The following UPF1 variants were observed in gnomAD, a reference collection of about 807,000 sequenced individuals.
The protein encoded by UPF1 is UPF1 RNA helicase and ATPase.
A neutral mutation model predicts 129.2 loss-of-function variants in UPF1; 9 were observed. That is an observed-to-expected ratio of 0.07 (90% CI 0.04 to 0.12). UPF1 has a LOEUF of 0.12. Among genes scored for constraint, UPF1 ranks in the 10% least tolerant of loss-of-function variants. The probability of loss-of-function intolerance (pLI) is 1.00; values close to 1 mark genes in which losing one functional copy is unlikely to be tolerated. For missense variants in UPF1, 788 were observed against 1,525.3 expected (o/e 0.52, Z 8.05); for synonymous variants, 649 against 644.9 (o/e 1.01, Z -0.10).
Position 18,860,379 on chromosome 19 carries a change from C to A in UPF1, c.2241C>A (p.Phe747Leu), listed in dbSNP as rs749150105. The change falls in exon 16 of 24, where the codon TTC becomes TTA. Residue 747 changes from phenylalanine to leucine, a missense_variant. This residue lies in a region of UPF1 where 140 missense variants were observed against 385.9 expected (regional missense o/e 0.36). Coordinates refer to ENST00000262803, the MANE Select transcript of UPF1 (RefSeq NM_002911.4). The part of the protein sequence containing the change: ...FQWPQPDKPM[F>L]FYVTQGQEEI... ...GGCCCCAACCCGATAAACCGATGTT[C>A]TTCTACGTGACCCAGGGCCAAGAGG... 1.9e-6 allele frequency: 3 copies of A among 1,614,016 alleles called. No homozygotes were observed. The highest frequency in any genetic ancestry group is 8.5e-7 in the Non-Finnish European group (1 of 1,180,040).
intron 2 of UPF1, 100 bp from the exon 3 acceptor site, chr19:18,847,644 G>T: frequency 1.8e-6 from 2 of 1,124,068 alleles, no homozygotes; most frequent in Non-Finnish European, 1.3e-6. Flanking sequence ...GTTTAATGAA[G>T]AACTTAAAAA....
rs559985776 is a variant in UPF1, at chr19:18,850,549, C to G, written c.630-139C>G. The stretch of plus-strand genomic sequence containing the variant: ...ACAGGGAGATGCGATTTATTACTAA[C>G]AGTTTGAAGGTAATGTGATCACATA... On this transcript the variant is annotated intron_variant, in intron 4 of 23. Transcript: ENST00000262803. The surrounding 1 kb of genome is among the most constrained non-coding windows in gnomAD (Gnocchi z 7.1). 1.6e-5 allele frequency: 16 copies of G among 974,524 alleles called. No homozygotes were observed. Among genetic ancestry groups the G allele is most frequent in the Non-Finnish European group, 2.3e-5 (16 of 689,830 alleles). The allele number at this position is 974,524 out of a possible 1,614,324, so 60.4% of individuals were successfully genotyped here.
rs548841117 is a variant in UPF1 at position 18,832,450 on chromosome 19, A to T, written c.231+10A>T. 1 of 997,014 alleles carries T rather than the reference A, an allele frequency of 1.0e-6. No homozygotes were observed. The highest frequency in any genetic ancestry group is 4.5e-5 in the South Asian group (1 of 22,196). 61.8% of individuals were successfully genotyped at this position (997,014 alleles called of 1,614,324 possible). On this transcript the variant is annotated intron_variant, in intron 1 of 23. Transcript: ENST00000262803. The surrounding 1 kb of genome is among the most constrained non-coding windows in gnomAD (Gnocchi z 5.6). The stretch of plus-strand genomic sequence containing the variant: ...ACAGCTCGACGCGCAGGTGAGCGGC[A>T]CATGGCGGTGCCGGAAGCCCGGGCC...
intron 19 of UPF1, 59 bp from the exon 20 acceptor site, chr19:18,864,111 G>A (rs1384336282): frequency 2.4e-5 from 36 of 1,516,800 alleles, no homozygotes; most frequent in South Asian, 4.5e-5. Flanking sequence ...CACCGGGCCC[G>A]TGGGAAGTTG....
chr19:18,861,040 T>A, intron 17 of UPF1, 58 bp downstream of exon 17: 2 of 1,508,088 alleles, frequency 1.3e-6, no homozygotes, highest in Non-Finnish European at 1.8e-6. Context: ...TATTGACCCT[T>A]GACCTTTAAG....
At chr19:18,837,583 C>T (rs1188618031) in intron 1 of UPF1, among the ~76,000 whole-genome samples, 5 of 152,212 alleles carry the variant, frequency 3.3e-5, no homozygotes, top group Non-Finnish European at 5.9e-5. Flanking sequence ...AAATGTGTGC[C>T]TATTGGTTTG....
At chr19:18,860,142 A>AAAAAAC in intron 15 of UPF1, 179 bp from the exon 16 acceptor site, 2 of 674,932 alleles carry the variant, frequency 3.0e-6, no homozygotes, top group Non-Finnish European at 5.2e-6. Flanking sequence ...GCCTTGCCCA[A>AAAAAAC]TCCTGGGCAT....
intron 1 of UPF1, among the ~76,000 whole-genome samples, chr19:18,843,580 G>A (rs758889450): frequency 2.1e-5 from 3 of 146,206 alleles, no homozygotes; most frequent in Non-Finnish European, 4.5e-5. Flanking sequence ...GTGCAGTGGT[G>A]TGATCTCGGC....
In UPF1 at chr19:18,864,158, A is replaced by G. The variant is rs2055813082; in HGVS notation, c.2776-12A>G. ...GAGATGACAAATTCCTCACCTATCTAAACCTTCGCAGGGAGCCCGCTTCAT... is the reference window on the plus strand; with the variant it reads ...GAGATGACAAATTCCTCACCTATCTGAACCTTCGCAGGGAGCCCGCTTCAT... On this transcript the variant is annotated splice_polypyrimidine_tract_variant and intron_variant, in intron 19 of 23. Coordinates refer to ENST00000262803, the MANE Select transcript of UPF1 (RefSeq NM_002911.4). The G allele has an allele frequency of 1.2e-6, 2 of 1,613,306 alleles. No homozygotes were observed. The highest frequency in any genetic ancestry group is 1.3e-5 in the African/African-American group (1 of 74,916).
intron 13 of UPF1, 100 bp from the exon 14 acceptor site, chr19:18,856,758 TTTTATAGTGTCAGGGAGGG>T: frequency 7.2e-7 from 1 of 1,394,594 alleles, no homozygotes; most frequent in East Asian, 2.5e-5. Context: ...ACAGCTTGTT[TTTTATAGTGTCAGGGAGGG>T]TGAGAAACAG....
At position 18,850,388 on chromosome 19, in the gene UPF1, G is replaced by A; in HGVS notation, c.629+146G>A. On this transcript the variant is annotated intron_variant, in intron 4 of 23. Transcript: ENST00000262803. This position sits in a 1 kb window ranked among gnomAD's most constrained non-coding sequence, Gnocchi z 7.1. ...GTTTTTGCTGAAGGGTGAGGCATGA[G>A]AGCGTTTAGGCGCTGAGGCTTGTTA... The A allele has an allele frequency of 8.3e-7, 1 of 1,210,306 alleles. No individual in the cohort carries two copies. The highest frequency in any genetic ancestry group is 1.1e-6 in the Non-Finnish European group (1 of 888,982). 75.0% of individuals were successfully genotyped at this position (1,210,306 alleles called of 1,614,324 possible).
At position 18,839,258 on chromosome 19, in the gene UPF1, A is replaced by T. The variant is rs570782446; in HGVS notation, c.232-6722A>T. ...AGGTGCGCACCACCATGCCCAACTA[A>T]TTTTTTTGTATTTTTAGTAGAGACG... On this transcript the variant is annotated intron_variant, in intron 1 of 23. Coordinates refer to ENST00000262803, the MANE Select transcript of UPF1 (RefSeq NM_002911.4). Among the ~76,000 whole-genome samples the T allele has an allele frequency of 2.0e-5, 3 of 151,952 alleles. No homozygotes were observed. In the South Asian group the frequency reaches 6.3e-4, roughly 32 times the overall value.
At chr19:18,844,890 A>G (rs1444855802) in intron 1 of UPF1, among the ~76,000 whole-genome samples, 2 of 152,224 alleles carry the variant, frequency 1.3e-5, no homozygotes, top group Non-Finnish European at 2.9e-5. Flanking sequence ...GTGAAGGGAG[A>G]AGTTAACCCA....
chr19:18,866,294 T>G, intron 23 of UPF1, 128 bp downstream of exon 23: 1 of 1,364,790 alleles, frequency 7.3e-7, no homozygotes, highest in Non-Finnish European at 9.6e-7. Context: ...GTGGGGGTCA[T>G]AGGCCCTCAG....
At position 18,850,439 on chromosome 19, in the gene UPF1, T is replaced by C. The variant is rs138351546; in HGVS notation, c.629+197T>C. 1.3e-5 allele frequency among the ~76,000 whole-genome samples: 2 copies of C among 152,338 alleles called. No homozygotes were observed. The highest frequency in any genetic ancestry group is 4.8e-5 in the African/African-American group (2 of 41,584). ...AGGAGTCGGCAGTGCCGTGTAACTC[T>C]TTTGGGGCGTTCTGGCTAAGTCATA... On this transcript the variant is annotated intron_variant, in intron 4 of 23. Transcript: ENST00000262803. This position sits in a 1 kb window ranked among gnomAD's most constrained non-coding sequence, Gnocchi z 7.1.
At position 18,855,002 on chromosome 19, in the gene UPF1, C is replaced by T. The variant is rs1483206221; in HGVS notation, c.1389C>T (p.Phe463=). The change falls in exon 10 of 24, where the codon TTC becomes TTT. Residue 463 remains phenylalanine (F), a synonymous_variant. Coordinates refer to ENST00000262803, the MANE Select transcript of UPF1 (RefSeq NM_002911.4). ...VIIKCQLPKR[F]TAQGLPDLNH... ...TCAAGTGCCAGCTGCCCAAGCGCTTCACGGCGCAGGGCCTCCCCGACCTCA... is the reference window on the plus strand; with the variant it reads ...TCAAGTGCCAGCTGCCCAAGCGCTTTACGGCGCAGGGCCTCCCCGACCTCA... The T allele has an allele frequency of 6.2e-7, 1 of 1,614,106 alleles. No individual in the cohort carries two copies. The highest frequency in any genetic ancestry group is 1.7e-5 in the Admixed American group (1 of 60,038).
rs771763545 is a variant in UPF1 at position 18,850,668 on chromosome 19, G to A, written c.630-20G>A. 1.0e-5 allele frequency: 16 copies of A among 1,542,828 alleles called. No individual in the cohort carries two copies. The highest frequency in any genetic ancestry group is 1.4e-5 in the African/African-American group (1 of 73,210). ...TTCAGGGACGGGAGCTGGTCCTCAC[G>A]GCCCCCTCCCGCTCTGCAGGCAGCC... On this transcript the variant is annotated intron_variant, in intron 4 of 23. Transcript: ENST00000262803. The surrounding 1 kb of genome is among the most constrained non-coding windows in gnomAD (Gnocchi z 7.1).
chr19:18,860,770 C>G (rs2055769863), intron 16 of UPF1, 56 bp from the exon 17 acceptor site: 2 of 1,601,266 alleles, frequency 1.2e-6, no homozygotes, highest in Non-Finnish European at 1.7e-6. Context: ...GGCCTCCAGC[C>G]TCAGGGCTCG....
In UPF1 at chr19:18,860,521, A is replaced by T. The variant is rs946844272; in HGVS notation, c.2300+83A>T. ...TTGACCCATTCTACTTATTTTTAAC[A>T]TGGGACTGAAACTTTTTTTGCCTTC... On this transcript the variant is annotated intron_variant, in intron 16 of 23. Coordinates refer to ENST00000262803, the MANE Select transcript of UPF1 (RefSeq NM_002911.4). The T allele has an allele frequency of 3.5e-5, 48 of 1,388,650 alleles. No individual in the cohort carries two copies. The Middle Eastern group carries it at 6.1e-4, about 18-fold the overall frequency. The allele number at this position is 1,388,650 out of a possible 1,614,324, so 86.0% of individuals were successfully genotyped here.
Sources: allele counts gnomAD v4.1 joint callset (sites outside exome capture counted in the v4.1 genomes callset), GRCh38; gene constraint gnomAD v4.1.1; regional missense constraint gnomAD v4.1.1; non-coding constraint Gnocchi (gnomAD v3.1); transcripts MANE v1.5; gene names NCBI Gene and HGNC (gene_info 2026-07-23, HGNC 2026-07-21).